Variants in NTRK1 observed in about 807,000 individuals in gnomAD.
NTRK1 encodes neurotrophic receptor tyrosine kinase 1, also known as high affinity nerve growth factor receptor.
Under a neutral mutation model 86.8 loss-of-function variants are expected in NTRK1, and 62 were observed. The ratio of observed to expected loss-of-function variants is 0.71; its 90% CI spans 0.58 to 0.88. NTRK1 has a LOEUF of 0.88. NTRK1 is among the 40% of genes least tolerant of loss of function. NTRK1 has a pLI of 0.00. For missense variants in NTRK1, 967 were observed against 1,078.4 expected (o/e 0.90, Z 1.45); for synonymous variants, 469 against 456.6 (o/e 1.03, Z -0.35).
intron 7 of NTRK1, among the ~76,000 whole-genome samples, chr1:156,873,297 ACTT>A (rs1192814670): frequency 1.4e-4 from 21 of 152,012 alleles, no homozygotes; most frequent in Admixed American, 5.2e-4. Flanking sequence ...GGTTACACTG[ACTT>A]CTTCTAGATT....
chr1:156,832,500 A>G (rs1287440646), intron 1 of NTRK1, among the ~76,000 whole-genome samples: 1 of 152,178 alleles, frequency 6.6e-6, no homozygotes, highest in Non-Finnish European at 1.5e-5. Context: ...GAAAGAGCTG[A>G]TTTAAAGGGG....
chr1:156,859,916 G>T (rs1027407228), upstream of NTRK1, among the ~76,000 whole-genome samples: 1 of 152,190 alleles, frequency 6.6e-6, no homozygotes, highest in African/African-American at 2.4e-5. The surrounding 1 kb of genome is among the most constrained non-coding windows in gnomAD (Gnocchi z 6.2). Context: ...GGAGGGGTTG[G>T]GACCAGCCTT....
upstream of NTRK1, among the ~76,000 whole-genome samples, chr1:156,857,163 A>ATGTGTGTGTGTGTG (rs57324546): frequency 1.5e-5 from 2 of 130,536 alleles, no homozygotes; most frequent in African/African-American, 2.8e-5. Context: ...GCAGCTGTGT[A>ATGTGTGTGTGTGTG]TGTGTGTGTG....
intron 1 of NTRK1, among the ~76,000 whole-genome samples, chr1:156,823,578 A>ACATCAC (rs1336929921): frequency 1.7e-4 from 26 of 152,228 alleles, no homozygotes; most frequent in Non-Finnish European, 2.4e-4. Flanking sequence ...TGGTGAGGAC[A>ACATCAC]CATCACTGCT....
At chr1:156,852,082 G>A in intron 2 of NTRK1, 1 of 1,613,692 alleles carries the variant, frequency 6.2e-7, no homozygotes. Flanking sequence ...AGAGGTGGCG[G>A]CAAGCTACAC....
intron 7 of NTRK1, among the ~76,000 whole-genome samples, chr1:156,872,027 C>G (rs898236412): frequency 2.6e-5 from 4 of 152,188 alleles, no homozygotes; most frequent in Non-Finnish European, 5.9e-5. Flanking sequence ...CGGCTGTTCC[C>G]ACTGCTCCGA....
chr1:156,841,601 T>C (rs1654786346), intron 1 of NTRK1: 7 of 1,609,522 alleles, frequency 4.3e-6, no homozygotes, highest in African/African-American at 1.3e-5. Flanking sequence ...ATGGGGGTGT[T>C]CCAGGCCCCT....
intron 4 of NTRK1, 88 bp from the exon 5 acceptor site, chr1:156,868,016 C>A (rs1647271264): frequency 4.1e-6 from 6 of 1,455,574 alleles, no homozygotes; most frequent in African/African-American, 2.8e-5. Context: ...TGTAGACGGT[C>A]CTCCCTGCTG....
At chr1:156,879,712 C>T (rs1375894757) in intron 15 of NTRK1, among the ~76,000 whole-genome samples, 1 of 152,162 alleles carries the variant, frequency 6.6e-6, no homozygotes, top group African/African-American at 2.4e-5. Flanking sequence ...CTGGTTCAAG[C>T]GATTCTCCTG....
In NTRK1 at chr1:156,881,646, G is replaced by A. The variant is rs376191817; in HGVS notation, c.*4G>A. 1.9e-6 allele frequency: 3 copies of A among 1,600,516 alleles called. No individual in the cohort carries two copies. The highest frequency in any genetic ancestry group is 1.8e-4 in the Middle Eastern group (1 of 5,432). ...CTACCTGGATGTCCTGGGCTAGGGG[G>A]CCGGCCCAGGGGCTGGGAGTGGTTA... On this transcript the variant is annotated 3_prime_UTR_variant, in exon 17 of 17. Transcript: ENST00000524377.
chr1:156,849,254 C>CGGTCTCCGT, intron 2 of NTRK1: 1 of 1,613,774 alleles, frequency 6.2e-7, no homozygotes, highest in South Asian at 1.1e-5. Context: ...ACAGGCGGCG[C>CGGTCTCCGT]GGTCTCCGTT....
rs753432413 is a variant in NTRK1 at position 156,875,528 on chromosome 1, G to C, written c.1363G>C (p.Val455Leu). 1 of 1,613,956 alleles carries C rather than the reference G, an allele frequency of 6.2e-7. No individual in the cohort carries two copies. Among genetic ancestry groups the C allele is most frequent in the East Asian group, 2.2e-5 (1 of 44,870 alleles). Residue 455 changes from valine to leucine, a missense_variant, in exon 12 of 17, where the codon GTG (valine) becomes CTG (leucine). By Grantham distance (32) the Val-to-Leu change is conservative. This residue lies in a region of NTRK1 where 637 missense variants were observed against 776.5 expected (regional missense o/e 0.82). Coordinates refer to ENST00000524377, the MANE Select transcript of NTRK1 (RefSeq NM_002529.4). Reference sequence around the variant, plus strand: ...CTGTGTCTCCTCTCTAGGCCCGGCTGTGCTGGCTCCAGAGGATGGGCTGGC... The same window carrying C: ...CTGTGTCTCCTCTCTAGGCCCGGCTCTGCTGGCTCCAGAGGATGGGCTGGC... ...RNKFGINRPA[V>L]LAPEDGLAMS...
intron 2 of NTRK1, chr1:156,846,489 G>T: frequency 1.3e-6 from 2 of 1,562,060 alleles, no homozygotes; most frequent in South Asian, 1.1e-5. Flanking sequence ...GCAGGCGTCT[G>T]ACTGACTCTT....
chr1:156,847,893 AGTT>A (rs1164121203), intron 2 of NTRK1, among the ~76,000 whole-genome samples: 1 of 152,130 alleles, frequency 6.6e-6, no homozygotes, highest in African/African-American at 2.4e-5. Flanking sequence ...AGCTGTGTAT[AGTT>A]GTGCAGATTG....
rs920810352 is a variant in NTRK1 at position 156,880,055 on chromosome 1, C to A, written c.2103C>A (p.Tyr701Ter). ...GGATGCCGCCCGAGAGCATCCTGTA[C>A]CGTAAGTTCACCACCGAGAGCGACG... ...IRWMPPESIL[Y>*]RKFTTESDVW... The change falls in exon 16 of 17, where the codon TAC (tyrosine) becomes TAA (stop). Residue 701 changes from tyrosine (Y) to a stop codon, truncating the protein, a stop_gained. Transcript: ENST00000524377. LOFTEE classifies it high-confidence loss of function. The A allele has an allele frequency of 6.3e-7, 1 of 1,594,126 alleles. No individual in the cohort carries two copies. The highest frequency in any genetic ancestry group is 8.5e-7 in the Non-Finnish European group (1 of 1,171,460).
intron 1 of NTRK1, among the ~76,000 whole-genome samples, chr1:156,821,842 T>C (rs957376379): frequency 4.6e-5 from 7 of 152,224 alleles, no homozygotes; most frequent in African/African-American, 1.4e-4. Context: ...CACTTCCCAC[T>C]GGATAAGGTT....
Position 156,876,225 on chromosome 1 carries a change from C to G in NTRK1, c.1632+15C>G, listed in dbSNP as rs965182205. ...TGGCTGTCAAGGTGAGACCCTGCCC[C>G]GGGGGGTACTGCTGGCCTGGGTCCC... On this transcript the variant is annotated intron_variant, in intron 13 of 16. Transcript: ENST00000524377. 3 of 1,613,696 alleles carry G rather than the reference C, an allele frequency of 1.9e-6. No individual in the cohort carries two copies. Among genetic ancestry groups the G allele is most frequent in the East Asian group, 4.5e-5 (2 of 44,874 alleles).
chr1:156,818,104 G>A (rs930294870), intron 1 of NTRK1, among the ~76,000 whole-genome samples: 2 of 152,170 alleles, frequency 1.3e-5, no homozygotes, highest in Non-Finnish European at 2.9e-5. Context: ...GTCTTTCAGT[G>A]TCTGAGAAGT....
intron 1 of NTRK1, among the ~76,000 whole-genome samples, chr1:156,861,997 A>G (rs1041681511): frequency 1.3e-5 from 2 of 152,212 alleles, no homozygotes; most frequent in African/African-American, 4.8e-5. Flanking sequence ...TCATATGGTG[A>G]TGGCTGGAAA....
Sources: gnomAD v4.1 joint callset for allele counts (sites outside exome capture counted in the v4.1 genomes callset) on GRCh38, gnomAD v4.1.1 for gene constraint, gnomAD v4.1.1 regional missense constraint, Gnocchi (gnomAD v3.1) non-coding constraint, MANE v1.5 for transcripts, NCBI Gene and HGNC (gene_info 2026-07-23, HGNC 2026-07-21) for gene names.